CACNA2D3: variants seen among roughly 807,000 people sequenced by gnomAD.
The protein encoded by CACNA2D3 is calcium voltage-gated channel auxiliary subunit alpha2delta 3.
In CACNA2D3, 60 loss-of-function variants were observed where a neutral mutation model predicts 160.6. The observed-to-expected ratio is 0.37, with a 90% CI of 0.30 to 0.46. The LOEUF is 0.46. Among genes scored for constraint, CACNA2D3 ranks in the 20% least tolerant of loss-of-function variants. The pLI, the probability that CACNA2D3 is intolerant of heterozygous loss-of-function variation, is 1.00. For synonymous variants in CACNA2D3, 558 were observed against 492.9 expected (o/e 1.13, Z -1.75); for missense variants, 1,205 against 1,365.0 (o/e 0.88, Z 1.85).
At chr3:54,219,975 C>G (rs1577006979) in intron 2 of CACNA2D3, among the ~76,000 whole-genome samples, 2 of 152,126 alleles carry the variant, frequency 1.3e-5, no homozygotes, top group South Asian at 4.2e-4. Context: ...AACCTCAAGC[C>G]TGTTTTTGCA....
At chr3:54,838,926 T>C (rs957496478) in intron 16 of CACNA2D3, among the ~76,000 whole-genome samples, 1 of 152,202 alleles carries the variant, frequency 6.6e-6, no homozygotes, top group African/African-American at 2.4e-5. Flanking sequence ...ATTTTTCTGA[T>C]ACACACAGGA....
At chr3:54,764,380 C>G (rs1406746930) in intron 13 of CACNA2D3, 29 bp downstream of exon 13, 3 of 1,612,154 alleles carry the variant, frequency 1.9e-6, no homozygotes, top group Non-Finnish European at 2.5e-6. Context: ...GGGAAAGAGG[C>G]TAAGCTTTAC....
chr3:54,333,620 C>G (rs1238315466), intron 3 of CACNA2D3, among the ~76,000 whole-genome samples: 1 of 152,034 alleles, frequency 6.6e-6, no homozygotes, highest in Non-Finnish European at 1.5e-5. Flanking sequence ...AGTGAAGCCC[C>G]CGGGGCAGCA....
chr3:54,782,628 G>A lies in CACNA2D3; in HGVS notation c.1380+18277G>A, dbSNP rs73061743. On this transcript the variant is annotated intron_variant, in intron 13 of 37. Transcript: ENST00000474759. Reference sequence around the variant, plus strand: ...ATTCAGAGTCATCTTCACTCTTTGCGGTCAAGGCCCCTGCTGTAGGTCGTG... The same window carrying A: ...ATTCAGAGTCATCTTCACTCTTTGCAGTCAAGGCCCCTGCTGTAGGTCGTG... Among the ~76,000 whole-genome samples the A allele has an allele frequency of 7.0e-3, 1,058 of 152,036 alleles. 8 individuals carry two copies. The highest frequency in any genetic ancestry group is 0.011 in the Non-Finnish European group (774 of 67,998).
At chr3:54,277,341 C>T (rs1014823905) in intron 2 of CACNA2D3, among the ~76,000 whole-genome samples, 4 of 152,214 alleles carry the variant, frequency 2.6e-5, no homozygotes, top group African/African-American at 9.6e-5. Flanking sequence ...CAATCTTCTG[C>T]ATATGGCTAG....
At chr3:54,653,558 G>T (rs550175201) in intron 11 of CACNA2D3, among the ~76,000 whole-genome samples, 3 of 152,180 alleles carry the variant, frequency 2.0e-5, no homozygotes, top group Non-Finnish European at 2.9e-5. Flanking sequence ...GAGAGCTCAC[G>T]CAGGCCCTCC....
At chr3:54,442,845 A>T (rs1575457404) in intron 4 of CACNA2D3, among the ~76,000 whole-genome samples, 1 of 152,178 alleles carries the variant, frequency 6.6e-6, no homozygotes, top group Non-Finnish European at 1.5e-5. Context: ...GTCCTGTCGT[A>T]CCCGTCGCCA....
chr3:54,541,297 A>AG (rs1553717802), intron 5 of CACNA2D3, among the ~76,000 whole-genome samples: 46 of 127,282 alleles, frequency 3.6e-4, no homozygotes, highest in East Asian at 5.1e-4. Flanking sequence ...AAAAAAAAAA[A>AG]AAAAGAAAAG....
At chr3:54,186,958 G>C (rs1440224193) in intron 2 of CACNA2D3, among the ~76,000 whole-genome samples, 1 of 152,152 alleles carries the variant, frequency 6.6e-6, no homozygotes, top group Non-Finnish European at 1.5e-5. Context: ...AGGAAAGGCT[G>C]GCCTGATGTT....
At chr3:54,552,231 C>T (rs915371189) in intron 5 of CACNA2D3, among the ~76,000 whole-genome samples, 2 of 152,192 alleles carry the variant, frequency 1.3e-5, no homozygotes, top group African/African-American at 4.8e-5. Context: ...CCCAGTACTA[C>T]TCTATCTTCA....
chr3:54,789,214 T>C (rs1307336375), intron 13 of CACNA2D3, among the ~76,000 whole-genome samples: 1 of 152,220 alleles, frequency 6.6e-6, no homozygotes, highest in Non-Finnish European at 1.5e-5. Context: ...TTTCAGATGA[T>C]AAAACTGAGG....
At chr3:55,060,385 G>A (rs1275633913) in intron 35 of CACNA2D3, among the ~76,000 whole-genome samples, 1 of 152,134 alleles carries the variant, frequency 6.6e-6, no homozygotes, top group Non-Finnish European at 1.5e-5. Context: ...GATGATGGTG[G>A]TGATTAGTTA....
At chr3:54,146,592 GA>G (rs949846989) in intron 2 of CACNA2D3, among the ~76,000 whole-genome samples, 39 of 151,408 alleles carry the variant, frequency 2.6e-4, no homozygotes, top group African/African-American at 9.5e-4. Flanking sequence ...GGAATGTGGG[GA>G]AGGGGGGCGT....
At chr3:54,241,446 T>C (rs1187983205) in intron 2 of CACNA2D3, among the ~76,000 whole-genome samples, 1 of 152,192 alleles carries the variant, frequency 6.6e-6, no homozygotes, top group Non-Finnish European at 1.5e-5. Context: ...GCCATCTGGC[T>C]CCAGAGTCCA....
At chr3:54,234,683 A>C (rs1489679266) in intron 2 of CACNA2D3, among the ~76,000 whole-genome samples, 2 of 152,238 alleles carry the variant, frequency 1.3e-5, no homozygotes, top group Admixed American at 1.3e-4. Context: ...CAGCCATATA[A>C]AAGAATGAGA....
intron 13 of CACNA2D3, among the ~76,000 whole-genome samples, chr3:54,784,139 CA>C (rs1483308172): frequency 1.3e-5 from 2 of 152,166 alleles, no homozygotes; most frequent in Non-Finnish European, 2.9e-5. Flanking sequence ...GCAAGTCAAG[CA>C]GTGGGTTAAT....
rs112602399 is a variant in CACNA2D3, at chr3:54,265,986, C to T, written c.205-54456C>T. On this transcript the variant is annotated intron_variant, in intron 2 of 37. Coordinates refer to ENST00000474759, the MANE Select transcript of CACNA2D3 (RefSeq NM_018398.3). ...AAAAGCCTTCTTAGGTATCAAATAG[C>T]TTTCAGAGGAAGCATTTGATGGATG... Among the ~76,000 whole-genome samples, 525 of 152,216 alleles carry T rather than the reference C, an allele frequency of 3.4e-3. 4 individuals carry two copies. The highest frequency in any genetic ancestry group is 0.012 in the African/African-American group (500 of 41,548).
intron 2 of CACNA2D3, among the ~76,000 whole-genome samples, chr3:54,295,547 G>T (rs1184654174): frequency 1.3e-5 from 2 of 152,202 alleles, no homozygotes; most frequent in South Asian, 2.1e-4. Context: ...AACTCAAAGT[G>T]AGGAGGAGGC....
intron 11 of CACNA2D3, among the ~76,000 whole-genome samples, chr3:54,734,821 G>T (rs1701464851): frequency 2.0e-5 from 3 of 152,200 alleles, no homozygotes; most frequent in Non-Finnish European, 4.4e-5. Context: ...CATAACAAAA[G>T]AATGAACTGG....
Sources: allele counts gnomAD v4.1 joint callset (sites outside exome capture counted in the v4.1 genomes callset), GRCh38; gene constraint gnomAD v4.1.1; transcripts MANE v1.5; gene names NCBI Gene and HGNC (gene_info 2026-07-23, HGNC 2026-07-21).